The following IQSEC3 variants were observed in gnomAD, a reference collection of about 807,000 sequenced individuals.
IQSEC3 encodes the protein IQ motif and SEC7 domain-containing protein 3.
A neutral mutation model predicts 105.4 loss-of-function variants in IQSEC3; 50 were observed. That is an observed-to-expected ratio of 0.47 (90% confidence interval 0.38 to 0.60). IQSEC3 has a LOEUF of 0.60. Ranked by LOEUF, IQSEC3 falls within the 20% of genes least tolerant of loss-of-function variation. The probability of loss-of-function intolerance (pLI) is 0.00; values close to 1 mark genes in which losing one functional copy is unlikely to be tolerated. For missense variants in IQSEC3, 1,415 were observed against 1,630.0 expected (o/e 0.87, Z 2.27); for synonymous variants, 708 against 746.0 (o/e 0.95, Z 0.83).
At chr12:157,970 C>G (rs1866754397) in intron 7 of IQSEC3, among the ~76,000 whole-genome samples, 2 of 152,254 alleles carry the variant, frequency 1.3e-5, no homozygotes, top group Admixed American at 1.3e-4. Flanking sequence ...AGGCCCCTGA[C>G]ACCAGAGCTG....
chr12:174,611 A>G lies in IQSEC3; in HGVS notation c.3127A>G (p.Asn1043Asp). ...GTTTCTAAACTAGGTGTCAATTCAC[A>G]ACAGGCTTCAAACGTCCCAGCACAA... ...AESTVEVSIH[N>D]RLQTSQHNSG... The change falls in exon 14 of 14, where the codon AAC (asparagine) becomes GAC (aspartate). Residue 1043 changes from asparagine (N) to aspartate (D), a missense_variant. Around this residue, in one of 6 missense-constraint regions of IQSEC3, gnomAD observed 419 missense variants for 436.2 expected, o/e 0.96. Coordinates refer to ENST00000538872, the MANE Select transcript of IQSEC3 (RefSeq NM_001170738.2). 1 of 1,542,892 alleles carries G rather than the reference A, an allele frequency of 6.5e-7. No individual in the cohort carries two copies. Among genetic ancestry groups the G allele is most frequent in the South Asian group, 1.2e-5 (1 of 83,752 alleles).
At chr12:116,460 G>A (rs1244404635) in intron 2 of IQSEC3, among the ~76,000 whole-genome samples, 3 of 152,216 alleles carry the variant, frequency 2.0e-5, no homozygotes, top group Non-Finnish European at 4.4e-5. Context: ...TTCTTTTGTG[G>A]TTCCTGATGG....
rs868934519 is a variant in IQSEC3, at chr12:138,432, C to T, written c.1069C>T (p.Arg357Trp). ...LPRRISLRKV[R>W]SPTAESLAAE... ...ACGGCGGATCTCCCTGCGCAAGGTG[C>T]GGTCACCCACGGCCGAGAGCCTGGC... Residue 357 changes from arginine (R) to tryptophan (W), a missense_variant, in exon 4 of 14, where the codon CGG (arginine) becomes TGG (tryptophan). By Grantham distance (101) the Arg-to-Trp change is moderately radical. Coordinates refer to ENST00000538872, the MANE Select transcript of IQSEC3 (RefSeq NM_001170738.2). The surrounding 1 kb of genome is among the most constrained non-coding windows in gnomAD (Gnocchi z 7.1). The T allele has an allele frequency of 6.2e-7, 1 of 1,606,172 alleles. No homozygotes were observed.
intron 2 of IQSEC3, among the ~76,000 whole-genome samples, chr12:104,203 G>A (rs1434699074): frequency 6.6e-6 from 1 of 152,136 alleles, no homozygotes; most frequent in Non-Finnish European, 1.5e-5. Flanking sequence ...CCAGGATGGA[G>A]AGAAGTTAGG....
chr12:141,373 C>T (rs563209750), intron 5 of IQSEC3, 88 bp downstream of exon 5: 54 of 1,378,740 alleles, frequency 3.9e-5, no homozygotes, highest in Middle Eastern at 2.5e-4. Flanking sequence ...GTGAAATCCT[C>T]GCTCCAGTTC....
chr12:126,357 A>G (rs1591686781), intron 3 of IQSEC3, among the ~76,000 whole-genome samples: 1 of 152,260 alleles, frequency 6.6e-6, no homozygotes, highest in Admixed American at 6.5e-5. Context: ...CGAAGCAGAC[A>G]GGATTCCCAA....
chr12:100,939 C>T (rs1441165983), intron 2 of IQSEC3, among the ~76,000 whole-genome samples: 1 of 152,170 alleles, frequency 6.6e-6, no homozygotes, highest in African/African-American at 2.4e-5. Context: ...TGTTCAGACA[C>T]AGGGCCCGAG....
intron 5 of IQSEC3, among the ~76,000 whole-genome samples, chr12:154,365 C>T (rs534882391): frequency 1.3e-5 from 2 of 152,332 alleles, no homozygotes; most frequent in South Asian, 4.1e-4. Context: ...TCCCAGCACC[C>T]CCACCATTGC....
rs1555087174 is a variant in IQSEC3, at chr12:138,442, C to T, written c.1079C>T (p.Thr360Met). The change falls in exon 4 of 14, where the codon ACG (threonine) becomes ATG (methionine). Residue 360 changes from threonine to methionine, a missense_variant. Coordinates refer to ENST00000538872, the MANE Select transcript of IQSEC3 (RefSeq NM_001170738.2). This position sits in a 1 kb window ranked among gnomAD's most constrained non-coding sequence, Gnocchi z 7.1. ...RISLRKVRSPTAESLAAEKAL... is the reference protein window; with the variant it reads ...RISLRKVRSPMAESLAAEKAL... ...TCCCTGCGCAAGGTGCGGTCACCCACGGCCGAGAGCCTGGCGGCCGAGAAA... is the reference window on the plus strand; with the variant it reads ...TCCCTGCGCAAGGTGCGGTCACCCATGGCCGAGAGCCTGGCGGCCGAGAAA... 1.2e-6 allele frequency: 2 copies of T among 1,605,218 alleles called. No homozygotes were observed. Among genetic ancestry groups the T allele is most frequent in the East Asian group, 2.2e-5 (1 of 44,808 alleles).
In IQSEC3 at chr12:125,915, A is replaced by G; in HGVS notation, c.903+3A>G. ...CCCTTGACCTAAAGAATAAACAGGTACCCAGGGCCTCCTAGGGGGGCGGGG... is the reference window on the plus strand; with the variant it reads ...CCCTTGACCTAAAGAATAAACAGGTGCCCAGGGCCTCCTAGGGGGGCGGGG... On this transcript the variant is annotated splice_donor_region_variant and intron_variant, in intron 3 of 13. Transcript: ENST00000538872. The G allele has an allele frequency of 1.3e-6, 2 of 1,532,258 alleles. No homozygotes were observed. The highest frequency in any genetic ancestry group is 1.7e-6 in the Non-Finnish European group (2 of 1,145,886). The allele number at this position is 1,532,258 out of a possible 1,614,324, so 94.9% of individuals were successfully genotyped here.
At position 157,518 on chromosome 12, in the gene IQSEC3, C is replaced by A. The variant is rs371932963; in HGVS notation, c.2277-10C>A. On this transcript the variant is annotated splice_polypyrimidine_tract_variant and intron_variant, in intron 6 of 13. Transcript: ENST00000538872. ...GCTCAGCGTCCGCTCTGCATCTGAC[C>A]CCCCCACAGCCAGCGCTACTGCATG... The A allele has an allele frequency of 1.9e-6, 3 of 1,605,976 alleles. No homozygotes were observed. The highest frequency in any genetic ancestry group is 1.7e-6 in the Non-Finnish European group (2 of 1,175,618).
At chr12:102,948 G>A (rs930092508) in intron 2 of IQSEC3, among the ~76,000 whole-genome samples, 3 of 152,144 alleles carry the variant, frequency 2.0e-5, no homozygotes, top group East Asian at 1.9e-4. Flanking sequence ...GGAAGGCAAT[G>A]TATGTCTGCC....
rs782306639 is a variant in IQSEC3, at chr12:141,131, G to A, written c.1999G>A (p.Asp667Asn). 9.2e-5 allele frequency: 58 copies of A among 629,562 alleles called. No individual in the cohort carries two copies. The highest frequency in any genetic ancestry group is 1.1e-4 in the Non-Finnish European group (47 of 412,508). 39.0% of individuals were successfully genotyped at this position (629,562 alleles called of 1,614,324 possible). A position where few individuals can be genotyped will look rare whatever the true frequency, so the allele number is the denominator to read the frequency against. ...CCCCACCCCCACCTCCAGAAACCCC[G>A]ACAAGGGCATCCAGTTCCTGATCTC... ...IGLNLFNINP[D>N]KGIQFLISRG... Residue 667 changes from aspartate to asparagine, a missense_variant, in exon 5 of 14, where the codon GAC (aspartate) becomes AAC (asparagine). By Grantham distance (23) the Asp-to-Asn change is conservative. This residue lies in a region of IQSEC3 where 213 missense variants were observed against 306.2 expected (regional missense o/e 0.70). Transcript: ENST00000538872.
intron 1 of IQSEC3, among the ~76,000 whole-genome samples, chr12:80,506 C>A (rs1270842072): frequency 6.6e-6 from 1 of 152,182 alleles, no homozygotes; most frequent in Non-Finnish European, 1.5e-5. Context: ...AAAATTAGTT[C>A]TTTATTCTTG....
intron 2 of IQSEC3, among the ~76,000 whole-genome samples, chr12:99,475 T>TA (rs1447992794): frequency 2.0e-5 from 3 of 152,250 alleles, no homozygotes; most frequent in African/African-American, 4.8e-5. Flanking sequence ...ACGGCCCATG[T>TA]AAAATCTAAC....
At chr12:144,523 T>A (rs1425226781) in intron 5 of IQSEC3, 2 of 152,180 alleles carry the variant, frequency 1.3e-5, no homozygotes, top group Admixed American at 1.3e-4. Flanking sequence ...GAAGAGCCGA[T>A]GAGAAAGCCT....
chr12:174,748 C>G lies in IQSEC3; in HGVS notation c.3264C>G (p.Gly1088=), dbSNP rs778320953. ...CGCCGCCGCCACCCACGCCCCCGGG[C>G]ACCCTGGTGCAGTGCCAGCAAATTG... is the stretch of plus-strand genomic sequence containing the variant. The part of the protein sequence containing the change: ...PLPPPPPTPP[G]TLVQCQQIVK... Residue 1088 remains glycine, a synonymous_variant, in exon 14 of 14, where the codon GGC becomes GGG. Transcript: ENST00000538872. 9.4e-6 allele frequency: 15 copies of G among 1,592,054 alleles called. No individual in the cohort carries two copies. In the East Asian group the frequency reaches 3.1e-4, roughly 33 times the overall value.
intron 7 of IQSEC3, among the ~76,000 whole-genome samples, chr12:159,256 C>A (rs1866805287): frequency 1.3e-5 from 2 of 152,322 alleles, no homozygotes; most frequent in South Asian, 4.1e-4. Flanking sequence ...CTCCATATGT[C>A]CAGACCTGGG....
chr12:69,178 G>A, intron 1 of IQSEC3, among the ~76,000 whole-genome samples: 1 of 152,228 alleles, frequency 6.6e-6, no homozygotes, highest in Non-Finnish European at 1.5e-5. Flanking sequence ...CATGACTTTT[G>A]GTGTCTCCTG....
Sources: allele counts gnomAD v4.1 joint callset (sites outside exome capture counted in the v4.1 genomes callset), GRCh38; gene constraint gnomAD v4.1.1; regional missense constraint gnomAD v4.1.1; non-coding constraint Gnocchi (gnomAD v3.1); transcripts MANE v1.5; gene names NCBI Gene and HGNC (gene_info 2026-07-23, HGNC 2026-07-21).